The following DDX10 variants were observed in gnomAD, a reference collection of about 807,000 sequenced individuals.
DDX10 encodes DEAD-box helicase 10, also known as probable ATP-dependent RNA helicase DDX10.
DDX10 carries 74 observed loss-of-function variants against 104.3 expected under a neutral mutation model. That is an observed-to-expected ratio of 0.71 (90% CI 0.59 to 0.86). DDX10 has a LOEUF of 0.86. DDX10 is among the 40% of genes least tolerant of loss of function. The pLI is 0.00. For synonymous variants in DDX10, 351 were observed against 353.4 expected (o/e 0.99, Z 0.08); for missense variants, 952 against 1,040.0 (o/e 0.92, Z 1.16).
Position 108,747,784 on chromosome 11 carries a change from A to C in DDX10, c.1965+24322A>C, listed in dbSNP as rs2094333647. ...GTCTTATTTAAATAAACATTTAACCACTACTATTAATGACCTTCCTCTTGC... is the reference window on the plus strand; with the variant it reads ...GTCTTATTTAAATAAACATTTAACCCCTACTATTAATGACCTTCCTCTTGC... On this transcript the variant is annotated intron_variant, in intron 13 of 17. Transcript: ENST00000322536. 2.0e-5 allele frequency among the ~76,000 whole-genome samples: 3 copies of C among 152,240 alleles called. No individual in the cohort carries two copies. In the South Asian group the frequency reaches 6.2e-4, roughly 32 times the overall value.
At chr11:108,732,708 A>G (rs2094313743) in intron 13 of DDX10, among the ~76,000 whole-genome samples, 1 of 152,186 alleles carries the variant, frequency 6.6e-6, no homozygotes, top group Admixed American at 6.6e-5. Flanking sequence ...ATCAGGCACA[A>G]AGGCAGTAAG....
chr11:108,921,273 T>C (rs554455314), intron 17 of DDX10: 1 of 152,278 alleles, frequency 6.6e-6, no homozygotes, highest in Admixed American at 6.5e-5. Context: ...ATAAAGAAAA[T>C]GTATTTGGAA....
At chr11:108,873,202 A>C (rs1863105693) in intron 16 of DDX10, among the ~76,000 whole-genome samples, 1 of 152,150 alleles carries the variant, frequency 6.6e-6, no homozygotes, top group Non-Finnish European at 1.5e-5. Context: ...AGAGTAAAAA[A>C]TTGAGTCATG....
At chr11:108,885,871 C>T (rs184238667) in intron 16 of DDX10, among the ~76,000 whole-genome samples, 95 of 152,232 alleles carry the variant, frequency 6.2e-4, no homozygotes, top group African/African-American at 2.3e-3. Flanking sequence ...TAAGAATAAT[C>T]AGGCAATTCA....
At chr11:108,777,413 T>C (rs1291290111) in intron 13 of DDX10, among the ~76,000 whole-genome samples, 1 of 152,124 alleles carries the variant, frequency 6.6e-6, no homozygotes, top group Non-Finnish European at 1.5e-5. Context: ...CACTGCAACC[T>C]CTGCCTCCTG....
intron 16 of DDX10, among the ~76,000 whole-genome samples, chr11:108,911,851 T>G (rs536512824): frequency 1.3e-5 from 2 of 152,096 alleles, no homozygotes; most frequent in Non-Finnish European, 2.9e-5. Flanking sequence ...TACTATCACT[T>G]TGGGGGTTAG....
chr11:108,839,762 T>C lies in DDX10; in HGVS notation c.2085+1197T>C, dbSNP rs1254100422. On this transcript the variant is annotated intron_variant, in intron 14 of 17. Transcript: ENST00000322536. ...AGAGGAAGCGTATCTAAATGACAGA[T>C]AATGAGTCTTTATGAAGTTACGAAA... Among the ~76,000 whole-genome samples the C allele has an allele frequency of 3.3e-5, 5 of 152,092 alleles. No individual in the cohort carries two copies. The East Asian group carries it at 9.7e-4, about 29-fold the overall frequency.
chr11:108,724,006 G>GATGTGAAAT (rs2094302119), intron 13 of DDX10, among the ~76,000 whole-genome samples: 3 of 152,100 alleles, frequency 2.0e-5, no homozygotes, highest in Non-Finnish European at 4.4e-5. Flanking sequence ...CATCTTCTAG[G>GATGTGAAAT]AGGAACAAAA....
intron 14 of DDX10, among the ~76,000 whole-genome samples, chr11:108,839,439 T>A (rs1862606249): frequency 6.6e-6 from 1 of 152,208 alleles, no homozygotes; most frequent in South Asian, 2.1e-4. Flanking sequence ...GGTATTTTGT[T>A]GATTTTGTTT....
intron 16 of DDX10, among the ~76,000 whole-genome samples, chr11:108,904,547 C>T (rs998623753): frequency 6.6e-6 from 1 of 152,262 alleles, no homozygotes; most frequent in Admixed American, 6.5e-5. Context: ...TTAGTACCTG[C>T]AAAGAGTAGT....
intron 16 of DDX10, chr11:108,861,014 G>C (rs1288873201): frequency 6.6e-6 from 1 of 151,872 alleles, no homozygotes; most frequent in Non-Finnish European, 1.5e-5. Context: ...TTGGATTGAA[G>C]GATACAAAGT....
intron 9 of DDX10, among the ~76,000 whole-genome samples, chr11:108,697,264 A>C (rs549781018): frequency 1.5e-4 from 22 of 149,430 alleles, no homozygotes; most frequent in African/African-American, 4.9e-4. Context: ...AAACTTGCCA[A>C]TAATGGGCTT....
At chr11:108,861,301 A>G (rs1862938109) in intron 16 of DDX10, among the ~76,000 whole-genome samples, 1 of 152,022 alleles carries the variant, frequency 6.6e-6, no homozygotes, top group Non-Finnish European at 1.5e-5. Context: ...CAAGACCATT[A>G]TTAAAGTCTC....
At chr11:108,827,225 A>G (rs1029778611) in intron 13 of DDX10, among the ~76,000 whole-genome samples, 4 of 152,248 alleles carry the variant, frequency 2.6e-5, no homozygotes, top group Admixed American at 2.6e-4. Context: ...ATACTAGCCT[A>G]TCTGTCATAC....
In DDX10 at chr11:108,867,301, A is replaced by C. The variant is rs185908334; in HGVS notation, c.2304+15092A>C. On this transcript the variant is annotated intron_variant, in intron 16 of 17. Transcript: ENST00000322536. ...TTGAGAGAAGTAGGAATGTGTGCTT[A>C]TGTACCCAGCTCATGTTTAAGTATT... Among the ~76,000 whole-genome samples the C allele has an allele frequency of 1.8e-4, 28 of 152,324 alleles. No homozygotes were observed. In the East Asian group the frequency reaches 5.2e-3, roughly 28 times the overall value.
At chr11:108,701,710 T>C (rs1010578694) in intron 9 of DDX10, among the ~76,000 whole-genome samples, 2 of 124,856 alleles carry the variant, frequency 1.6e-5, no homozygotes, top group Non-Finnish European at 3.2e-5. Context: ...TGTGACTGAG[T>C]GTCTGTGACT....
chr11:108,743,813 A>G (rs2094328135), intron 13 of DDX10, among the ~76,000 whole-genome samples: 2 of 152,096 alleles, frequency 1.3e-5, no homozygotes, highest in Non-Finnish European at 2.9e-5. Flanking sequence ...CAGGTGTCCC[A>G]TTTTCAGTGC....
chr11:108,731,191 C>G (rs1352862235), intron 13 of DDX10, among the ~76,000 whole-genome samples: 7 of 151,716 alleles, frequency 4.6e-5, no homozygotes, highest in African/African-American at 1.7e-4. Context: ...GCTGAGATTA[C>G]AGGCACGTGC....
At chr11:108,906,557 C>G (rs921650626) in intron 16 of DDX10, among the ~76,000 whole-genome samples, 18 of 152,178 alleles carry the variant, frequency 1.2e-4, no homozygotes, top group African/African-American at 1.9e-4. Context: ...CCTAAGGACA[C>G]ACAACTAGCC....
Sources: gnomAD v4.1 joint callset for allele counts (sites outside exome capture counted in the v4.1 genomes callset) on GRCh38, gnomAD v4.1.1 for gene constraint, MANE v1.5 for transcripts, NCBI Gene and HGNC (gene_info 2026-07-23, HGNC 2026-07-21) for gene names.